SNX29: variants seen among roughly 807,000 people sequenced by gnomAD.
SNX29 encodes the protein sorting nexin 29, also known as sorting nexin-29.
In SNX29, 78 loss-of-function variants were observed where a neutral mutation model predicts 102.1. The ratio of observed to expected loss-of-function variants is 0.76; its 90% CI spans 0.64 to 0.92. The LOEUF is 0.92. Ranked by LOEUF, SNX29 falls within the 40% of genes least tolerant of loss-of-function variation. SNX29 has a pLI of 0.00. For synonymous variants in SNX29, 580 were observed against 414.5 expected (o/e 1.40, Z -4.85); for missense variants, 1,280 against 1,061.7 (o/e 1.21, Z -2.86).
chr16:12,537,051 G>A (rs563187975), intron 20 of SNX29, among the ~76,000 whole-genome samples: 85 of 152,298 alleles, frequency 5.6e-4, no homozygotes, highest in Non-Finnish European at 8.7e-4. Context: ...CATTCACTGA[G>A]CATATTTAGG....
chr16:12,499,188 A>G (rs534108699), intron 19 of SNX29, among the ~76,000 whole-genome samples: 1 of 152,214 alleles, frequency 6.6e-6, no homozygotes, highest in South Asian at 2.1e-4. Flanking sequence ...CCAATAAAAA[A>G]TGTGTTTGCT....
intron 18 of SNX29, among the ~76,000 whole-genome samples, chr16:12,420,057 G>T (rs2084810147): frequency 1.3e-5 from 2 of 152,216 alleles, no homozygotes; most frequent in South Asian, 4.1e-4. Flanking sequence ...TGACATTTTG[G>T]GCCAGGTAAT....
intron 16 of SNX29, among the ~76,000 whole-genome samples, chr16:12,393,392 T>TG (rs1555527325): frequency 7.0e-6 from 1 of 141,910 alleles, no homozygotes; most frequent in Non-Finnish European, 1.6e-5. Context: ...ATTCATTCAT[T>TG]CATGCATGCA....
At chr16:12,016,111 C>T (rs1441661488) in intron 3 of SNX29, among the ~76,000 whole-genome samples, 1 of 152,164 alleles carries the variant, frequency 6.6e-6, no homozygotes, top group Non-Finnish European at 1.5e-5. Context: ...GTGATCTGCC[C>T]ACCTTGGCCT....
rs143947608 is a variant in SNX29, at chr16:12,384,440, G to A, written c.1900-14006G>A. 7.9e-5 allele frequency among the ~76,000 whole-genome samples: 12 copies of A among 152,258 alleles called. No individual in the cohort carries two copies. In the East Asian group the frequency reaches 2.1e-3, roughly 27 times the overall value. On this transcript the variant is annotated intron_variant, in intron 16 of 20. Coordinates refer to ENST00000566228, the MANE Select transcript of SNX29 (RefSeq NM_032167.5). Reference sequence around the variant, plus strand: ...AACTGGGGTGACACGATATCTCATTGTAGTTTTGATCTGCGTTTCTGTGAT... The same window carrying A: ...AACTGGGGTGACACGATATCTCATTATAGTTTTGATCTGCGTTTCTGTGAT...
chr16:12,559,721 C>T (rs1189657489), intron 20 of SNX29, among the ~76,000 whole-genome samples: 2 of 152,070 alleles, frequency 1.3e-5, no homozygotes, highest in Non-Finnish European at 2.9e-5. Flanking sequence ...GTGAGAACAC[C>T]AAGAAATAGA....
In SNX29 at chr16:12,572,524, C is replaced by T. The variant is rs3826105; in HGVS notation, c.*3895C>T. ...GGCCTTCCTGCTCCACGTGCTCAAG[C>T]CCCCACAGGGGGCTGCGACACCATC... On this transcript the variant is annotated 3_prime_UTR_variant, in exon 21 of 21. Transcript: ENST00000566228. The T allele has an allele frequency of 0.23, 240,051 of 1,063,652 alleles. 27,976 individuals are homozygous for T. The highest frequency in any genetic ancestry group is 0.44 in the East Asian group (8,710 of 19,920). 65.9% of individuals were successfully genotyped at this position (1,063,652 alleles called of 1,614,324 possible). A position where few individuals can be genotyped will look rare whatever the true frequency, so the allele number is the denominator to read the frequency against.
intron 20 of SNX29, among the ~76,000 whole-genome samples, chr16:12,534,705 G>C (rs1448826036): frequency 6.6e-6 from 1 of 152,218 alleles, no homozygotes; most frequent in Middle Eastern, 3.2e-3. Flanking sequence ...TCTTGGCGTT[G>C]CCACTCCCCT....
chr16:12,550,953 G>T (rs1262635486), intron 20 of SNX29, among the ~76,000 whole-genome samples: 6 of 152,160 alleles, frequency 3.9e-5, no homozygotes, highest in African/African-American at 1.4e-4. Context: ...AATCATAAAG[G>T]TAGAATGGGC....
intron 14 of SNX29, among the ~76,000 whole-genome samples, chr16:12,210,294 T>C (rs1781748366): frequency 6.6e-6 from 1 of 151,396 alleles, no homozygotes; most frequent in Admixed American, 6.6e-5. Context: ...GCTCCTCGTT[T>C]TGCACTCAAG....
intron 15 of SNX29, among the ~76,000 whole-genome samples, chr16:12,327,126 C>T (rs1015114275): frequency 6.6e-6 from 1 of 152,136 alleles, no homozygotes; most frequent in Non-Finnish European, 1.5e-5. Context: ...CTGTCTTCCC[C>T]CTGTAAGTCA....
At chr16:12,527,101 TA>T (rs1192867626) in intron 20 of SNX29, 4 of 454,998 alleles carry the variant, frequency 8.8e-6, no homozygotes, top group Non-Finnish European at 1.7e-5. Context: ...GCTCTTTTAA[TA>T]AAAGCTCTTT....
intron 20 of SNX29, chr16:12,557,525 C>G (rs940951474): frequency 2.0e-5 from 3 of 152,004 alleles, no homozygotes; most frequent in Non-Finnish European, 4.4e-5. Context: ...CCTCTCCCAA[C>G]TAATTTTTGC....
intron 16 of SNX29, among the ~76,000 whole-genome samples, chr16:12,365,326 T>TGTG (rs2082430065): frequency 1.5e-4 from 21 of 139,868 alleles, no homozygotes; most frequent in African/African-American, 5.4e-4. Flanking sequence ...ACATCAGGAT[T>TGTG]TGTGTGTGTG....
intron 14 of SNX29, among the ~76,000 whole-genome samples, chr16:12,206,486 G>A (rs1044295346): frequency 2.6e-5 from 4 of 151,506 alleles, no homozygotes; most frequent in Non-Finnish European, 5.9e-5. Context: ...CCAACACGAT[G>A]TCACTGTTTG....
At chr16:12,025,149 A>G (rs961012633) in intron 3 of SNX29, among the ~76,000 whole-genome samples, 5 of 151,976 alleles carry the variant, frequency 3.3e-5, no homozygotes, top group African/African-American at 1.2e-4. Context: ...TAAAAATACA[A>G]ACATTAGCCA....
At chr16:12,427,936 C>G (rs117003666) in intron 18 of SNX29, among the ~76,000 whole-genome samples, 8 of 152,182 alleles carry the variant, frequency 5.3e-5, no homozygotes, top group African/African-American at 1.2e-4. Flanking sequence ...AGCAGTTACC[C>G]GAAGCACAGC....
At chr16:11,996,134 T>C (rs1596549816) in intron 1 of SNX29, among the ~76,000 whole-genome samples, 1 of 151,742 alleles carries the variant, frequency 6.6e-6, no homozygotes, top group African/African-American at 2.4e-5. Context: ...CTGGGTGTGG[T>C]GGCTCACACC....
intron 13 of SNX29, among the ~76,000 whole-genome samples, chr16:12,171,242 G>A (rs1033430123): frequency 1.5e-4 from 23 of 152,198 alleles, no homozygotes; most frequent in African/African-American, 4.1e-4. Context: ...CTATCTTCAC[G>A]TGATGACTAA....
Sources: allele counts gnomAD v4.1 joint callset (sites outside exome capture counted in the v4.1 genomes callset), GRCh38; gene constraint gnomAD v4.1.1; transcripts MANE v1.5; gene names NCBI Gene and HGNC (gene_info 2026-07-23, HGNC 2026-07-21).